SHISA9: variants seen among roughly 807,000 people sequenced by gnomAD.
SHISA9 encodes shisa family member 9.
A neutral mutation model predicts 38.0 loss-of-function variants in SHISA9; 13 were observed. The observed-to-expected ratio is 0.34, with a 90% CI of 0.22 to 0.54. The LOEUF is 0.54. SHISA9 is among the 20% of genes least tolerant of loss of function. SHISA9 has a pLI of 0.91. For missense variants in SHISA9, 538 were observed against 575.8 expected, an observed-to-expected ratio of 0.93 and a Z score of 0.67; for synonymous variants, 275 against 242.0, an observed-to-expected ratio of 1.14 and a Z score of -1.27.
At chr16:13,059,284 T>C (rs528022860) in intron 2 of SHISA9, among the ~76,000 whole-genome samples, 3 of 152,074 alleles carry the variant, frequency 2.0e-5, no homozygotes, top group Admixed American at 1.3e-4. Context: ...GCCGCCACCA[T>C]GCCTGGCTAA....
the SHISA9 span, among the ~76,000 whole-genome samples, chr16:13,480,479 G>A: frequency 6.6e-6 from 1 of 152,160 alleles, no homozygotes; most frequent in Non-Finnish European, 1.5e-5. Context: ...GTGTCAGCGT[G>A]CACCTTGCTG....
chr16:13,339,165 C>CT, the SHISA9 span, among the ~76,000 whole-genome samples: 68,596 of 132,712 alleles, frequency 0.52, 18,258 homozygotes, highest in East Asian at 0.72. Flanking sequence ...CTTATTGTGA[C>CT]TTTTTTTTTT....
At chr16:13,229,068 G>A (rs1436138124) in intron 4 of SHISA9, among the ~76,000 whole-genome samples, 2 of 152,238 alleles carry the variant, frequency 1.3e-5, no homozygotes, top group Non-Finnish European at 2.9e-5. Context: ...GCTGAGACAG[G>A]AGAATCACTT....
chr16:13,536,330 T>G, the SHISA9 span, among the ~76,000 whole-genome samples: 1 of 152,210 alleles, frequency 6.6e-6, no homozygotes, highest in African/African-American at 2.4e-5. Flanking sequence ...AAATAACTTT[T>G]CCTCTACATA....
At chr16:13,309,824 C>A in the SHISA9 span, among the ~76,000 whole-genome samples, 1 of 151,928 alleles carries the variant, frequency 6.6e-6, no homozygotes, top group Admixed American at 6.6e-5. Flanking sequence ...AACAAACAAA[C>A]AAAAAACTCC....
At chr16:13,230,083 C>T (rs1185748437) in intron 4 of SHISA9, among the ~76,000 whole-genome samples, 1 of 151,906 alleles carries the variant, frequency 6.6e-6, no homozygotes, top group Non-Finnish European at 1.5e-5. Context: ...CAAACTAGGC[C>T]CTCAACAAAC....
the SHISA9 span, among the ~76,000 whole-genome samples, chr16:13,486,017 C>G: frequency 3.9e-5 from 6 of 152,184 alleles, no homozygotes; most frequent in Non-Finnish European, 7.3e-5. Flanking sequence ...CACTCCCATA[C>G]TGTCTGCCTA....
the SHISA9 span, among the ~76,000 whole-genome samples, chr16:13,421,646 T>G: frequency 6.6e-6 from 1 of 152,182 alleles, no homozygotes; most frequent in Non-Finnish European, 1.5e-5. Flanking sequence ...GATGCAAACT[T>G]CATCCAATAG....
chr16:13,560,570 T>A, the SHISA9 span, among the ~76,000 whole-genome samples: 1 of 152,156 alleles, frequency 6.6e-6, no homozygotes, highest in Non-Finnish European at 1.5e-5. Context: ...TGAGAAATTG[T>A]TAATTGTTTT....
chr16:13,068,005 A>C (rs998048645), intron 2 of SHISA9, among the ~76,000 whole-genome samples: 12 of 152,180 alleles, frequency 7.9e-5, no homozygotes, highest in African/African-American at 2.9e-4. Flanking sequence ...ACACACAGTC[A>C]GTTTCCGGCT....
intron 2 of SHISA9, among the ~76,000 whole-genome samples, chr16:13,062,759 C>T (rs1287407644): frequency 6.6e-6 from 1 of 152,158 alleles, no homozygotes; most frequent in Non-Finnish European, 1.5e-5. Flanking sequence ...CCTTGTTCAA[C>T]ATGGATTTTT....
At chr16:13,253,608 C>T in the SHISA9 span, among the ~76,000 whole-genome samples, 2 of 152,100 alleles carry the variant, frequency 1.3e-5, no homozygotes, top group Non-Finnish European at 2.9e-5. Context: ...CATCAGATCT[C>T]GTGAGACTTA....
the SHISA9 span, among the ~76,000 whole-genome samples, chr16:13,549,226 G>A: frequency 6.6e-6 from 1 of 152,182 alleles, no homozygotes; most frequent in Admixed American, 6.5e-5. Flanking sequence ...TAGGAGGTTA[G>A]GGAAATGGGG....
chr16:13,228,654 CT>C (rs1280161082), intron 4 of SHISA9, among the ~76,000 whole-genome samples: 3 of 152,220 alleles, frequency 2.0e-5, no homozygotes, highest in East Asian at 3.9e-4. Flanking sequence ...GCTTCCACCC[CT>C]ATTCTTGCCC....
Position 12,930,105 on chromosome 16 carries a change from A to G in SHISA9, c.691+13290A>G, listed in dbSNP as rs192701535. 7.2e-5 allele frequency among the ~76,000 whole-genome samples: 11 copies of G among 152,192 alleles called. No homozygotes were observed. In the East Asian group the frequency reaches 2.1e-3, roughly 29 times the overall value. ...CTTGCTCCTTTCACATTTTCCCCAC[A>G]ACATGTTAGCTCCAGGAGGCCAGGA... On this transcript the variant is annotated intron_variant, in intron 2 of 4. Transcript: ENST00000558583.
At chr16:12,993,038 TC>T (rs2072408649) in intron 2 of SHISA9, among the ~76,000 whole-genome samples, 1 of 152,232 alleles carries the variant, frequency 6.6e-6, no homozygotes, top group Non-Finnish European at 1.5e-5. Context: ...ACTCTTCATT[TC>T]CATCTTGGAT....
chr16:13,433,530 G>C, the SHISA9 span, among the ~76,000 whole-genome samples: 5 of 70,096 alleles, frequency 7.1e-5, no homozygotes, highest in Admixed American at 4.1e-4. Context: ...AAAGAGGTCA[G>C]AGAGATTAAT....
Position 12,965,161 on chromosome 16 carries a change from G to A in SHISA9, c.691+48346G>A, listed in dbSNP as rs118154543. ...CAGCCTCCAGGAAATTTCAGAGATT[G>A]TGTGTTACATCATATTACATCAATA... On this transcript the variant is annotated intron_variant, in intron 2 of 4. Transcript: ENST00000558583. 5.8e-3 allele frequency among the ~76,000 whole-genome samples: 878 copies of A among 152,238 alleles called. 7 individuals are homozygous for A. Among genetic ancestry groups the A allele is most frequent in the Middle Eastern group, 0.034 (10 of 294 alleles).
chr16:12,993,172 C>G (rs190993168), intron 2 of SHISA9, among the ~76,000 whole-genome samples: 32 of 152,290 alleles, frequency 2.1e-4, no homozygotes, highest in Non-Finnish European at 3.2e-4. Context: ...GTGAGGCTCC[C>G]AGGCACCTAC....
Sources: allele counts gnomAD v4.1 joint callset (sites outside exome capture counted in the v4.1 genomes callset), GRCh38; gene constraint gnomAD v4.1.1; transcripts MANE v1.5; gene names NCBI Gene and HGNC (gene_info 2026-07-23, HGNC 2026-07-21).